The following TNFRSF19 variants were observed in gnomAD, a reference collection of about 807,000 sequenced individuals.
TNFRSF19 encodes TNF receptor superfamily member 19.
A neutral mutation model predicts 46.4 loss-of-function variants in TNFRSF19; 27 were observed. The observed-to-expected ratio is 0.58, with a 90% CI of 0.43 to 0.80. The LOEUF is 0.80. TNFRSF19 is among the 30% of genes least tolerant of loss of function. The pLI is 0.00. For missense variants in TNFRSF19, 511 were observed against 530.8 expected (o/e 0.96, Z 0.37); for synonymous variants, 204 against 205.0 (o/e 1.00, Z 0.04).
chr13:23,630,037 C>A (rs1326666586), intron 5 of TNFRSF19, among the ~76,000 whole-genome samples: 1 of 152,136 alleles, frequency 6.6e-6, no homozygotes, highest in Non-Finnish European at 1.5e-5. Flanking sequence ...GGTGCTGTGG[C>A]TCACGCCTGT....
intron 4 of TNFRSF19, among the ~76,000 whole-genome samples, chr13:23,625,292 T>G: frequency 6.6e-6 from 1 of 151,998 alleles, no homozygotes; most frequent in Non-Finnish European, 1.5e-5. Flanking sequence ...CTAATTAGCT[T>G]TTTTCCTTTC....
chr13:23,636,681 C>G (rs997179341), intron 5 of TNFRSF19, among the ~76,000 whole-genome samples: 1 of 152,178 alleles, frequency 6.6e-6, no homozygotes, highest in Non-Finnish European at 1.5e-5. Flanking sequence ...CAGAGACACC[C>G]ACAGCAGAGG....
At chr13:23,599,601 C>G (rs1467956011) in intron 3 of TNFRSF19, among the ~76,000 whole-genome samples, 3 of 152,072 alleles carry the variant, frequency 2.0e-5, no homozygotes, top group Non-Finnish European at 1.5e-5. Flanking sequence ...TGGTTATTAT[C>G]TAAAGACCTG....
chr13:23,577,003 C>A (rs1289288981), intron 1 of TNFRSF19, among the ~76,000 whole-genome samples: 1 of 152,222 alleles, frequency 6.6e-6, no homozygotes, highest in East Asian at 1.9e-4. Context: ...CTAAGAATGG[C>A]TATTTAGTAA....
intron 9 of TNFRSF19, among the ~76,000 whole-genome samples, chr13:23,670,687 G>A (rs1951747240): frequency 1.3e-5 from 2 of 152,208 alleles, no homozygotes; most frequent in Non-Finnish European, 2.9e-5. Flanking sequence ...CCCAGCAGCC[G>A]AGAGCAGGTA....
rs1593293744 is a variant in TNFRSF19, at chr13:23,657,958, G to A, written c.446-1092G>A. On this transcript the variant is annotated intron_variant, in intron 5 of 9. Coordinates refer to ENST00000248484, the MANE Select transcript of TNFRSF19 (RefSeq NM_148957.4). The stretch of plus-strand genomic sequence containing the variant: ...TCTTCAGTCGAGGGGAGGCTCCTGT[G>A]GTGAGCAGCACCTGCCGGGGAAGCA... Among the ~76,000 whole-genome samples the A allele has an allele frequency of 2.0e-5, 3 of 152,162 alleles. No homozygotes were observed. In the East Asian group the frequency reaches 5.8e-4, roughly 29 times the overall value.
chr13:23,643,558 C>T (rs751348880), intron 5 of TNFRSF19, among the ~76,000 whole-genome samples: 3 of 152,180 alleles, frequency 2.0e-5, no homozygotes, highest in Non-Finnish European at 4.4e-5. Flanking sequence ...AATTTCAGAA[C>T]GGATATAAAC....
intron 2 of TNFRSF19, among the ~76,000 whole-genome samples, chr13:23,590,933 A>C (rs771450545): frequency 6.6e-6 from 1 of 152,230 alleles, no homozygotes; most frequent in Non-Finnish European, 1.5e-5. Context: ...TTTATGAATA[A>C]TTTAGAATAG....
intron 1 of TNFRSF19, among the ~76,000 whole-genome samples, chr13:23,586,354 A>C (rs1878839419): frequency 6.6e-6 from 1 of 152,158 alleles, no homozygotes; most frequent in Non-Finnish European, 1.5e-5. Flanking sequence ...CAGTGAGTGG[A>C]AGTCCAGGGT....
At chr13:23,621,892 G>A (rs1380421724) in intron 4 of TNFRSF19, among the ~76,000 whole-genome samples, 1 of 152,026 alleles carries the variant, frequency 6.6e-6, no homozygotes, top group Non-Finnish European at 1.5e-5. Flanking sequence ...AGAGGCTGAG[G>A]CAGAGCCAAG....
chr13:23,606,510 T>C (rs1211123206), intron 3 of TNFRSF19, among the ~76,000 whole-genome samples: 1 of 152,214 alleles, frequency 6.6e-6, no homozygotes, highest in Non-Finnish European at 1.5e-5. Flanking sequence ...TGGAAGCCCA[T>C]GTTGTTCAGT....
At chr13:23,613,177 A>G (rs531220147) in intron 3 of TNFRSF19, among the ~76,000 whole-genome samples, 1 of 152,310 alleles carries the variant, frequency 6.6e-6, no homozygotes, top group African/African-American at 2.4e-5. Context: ...TATTTATTGG[A>G]TTGTAGAAAA....
chr13:23,593,277 T>C, intron 2 of TNFRSF19, 68 bp from the exon 3 acceptor site: 1 of 895,974 alleles, frequency 1.1e-6, no homozygotes, highest in Non-Finnish European at 1.7e-6. Context: ...GAAAATATTG[T>C]TCCTTTCTTG....
chr13:23,581,132 C>T (rs73156734), intron 1 of TNFRSF19, among the ~76,000 whole-genome samples: 35,952 of 143,484 alleles, frequency 0.25, 4,953 homozygotes, highest in African/African-American at 0.37. Context: ...TTTTTCTTTT[C>T]TTTTTTTTTT....
At chr13:23,650,537 T>C (rs1424304393) in intron 5 of TNFRSF19, among the ~76,000 whole-genome samples, 2 of 152,170 alleles carry the variant, frequency 1.3e-5, no homozygotes, top group African/African-American at 4.8e-5. Flanking sequence ...ATATGCAGAA[T>C]AGGCAAATCC....
In TNFRSF19 at chr13:23,666,365, T is replaced by G. The variant is rs117073561; in HGVS notation, c.737-1615T>G. ...TGCTGGCTTTCTAATTCCGTTATTC[T>G]TTCCACATTTATTAGTTGGCTTCCT... On this transcript the variant is annotated intron_variant, in intron 7 of 9. Coordinates refer to ENST00000248484, the MANE Select transcript of TNFRSF19 (RefSeq NM_148957.4). Among the ~76,000 whole-genome samples, 1,324 of 152,348 alleles carry G rather than the reference T, an allele frequency of 8.7e-3. 113 individuals are homozygous for G. The East Asian group carries it at 0.2, about 22-fold the overall frequency.
intron 3 of TNFRSF19, among the ~76,000 whole-genome samples, chr13:23,595,787 C>T (rs148718669): frequency 1.1e-3 from 163 of 152,264 alleles, no homozygotes; most frequent in African/African-American, 3.3e-3. Context: ...TCAAGACGAG[C>T]AACCCCAAGA....
intron 5 of TNFRSF19, among the ~76,000 whole-genome samples, chr13:23,645,549 C>T (rs1883283029): frequency 6.6e-6 from 1 of 152,112 alleles, no homozygotes. Context: ...TCCCGCAAAG[C>T]CTTGGTTTAT....
chr13:23,668,001 C>T lies in TNFRSF19; in HGVS notation c.758C>T (p.Ser253Phe). ...CTAGGGCCGGTGCGCTTGCTCCCAT[C>T]CATGTGCTGTGAGGAGGCCTGCAGC... ...QTCGPVRLLPSMCCEEACSPN... is the reference protein window; with the variant it reads ...QTCGPVRLLPFMCCEEACSPN... Residue 253 changes from serine (S) to phenylalanine (F), a missense_variant, in exon 8 of 10, where the codon TCC becomes TTC. By Grantham distance (155) the Ser-to-Phe change is radical. This residue lies in a region of TNFRSF19 where 376 missense variants were observed against 372.7 expected (regional missense o/e 1.01). Coordinates refer to ENST00000248484, the MANE Select transcript of TNFRSF19 (RefSeq NM_148957.4). 1.9e-6 allele frequency: 3 copies of T among 1,609,372 alleles called. No individual in the cohort carries two copies. The highest frequency in any genetic ancestry group is 2.5e-6 in the Non-Finnish European group (3 of 1,178,052).
Sources: allele counts gnomAD v4.1 joint callset (sites outside exome capture counted in the v4.1 genomes callset), GRCh38; gene constraint gnomAD v4.1.1; regional missense constraint gnomAD v4.1.1; transcripts MANE v1.5; gene names NCBI Gene and HGNC (gene_info 2026-07-23, HGNC 2026-07-21).